Variants in UBE2L3 observed in about 807,000 individuals in gnomAD.
The protein encoded by UBE2L3 is ubiquitin-conjugating enzyme E2 L3.
UBE2L3 carries 1 observed loss-of-function variant against 17.8 expected under a neutral mutation model. The ratio of observed to expected loss-of-function variants is 0.06; its 90% CI spans 0.02 to 0.27. The LOEUF is 0.27. Among genes scored for constraint, UBE2L3 ranks in the 10% least tolerant of loss-of-function variants. The pLI is 1.00. For synonymous variants in UBE2L3, 44 were observed against 68.5 expected, an observed-to-expected ratio of 0.64 and a Z score of 1.76; for missense variants, 40 against 192.6, an observed-to-expected ratio of 0.21 and a Z score of 4.69.
Position 21,621,807 on chromosome 22 carries a change from C to T in UBE2L3, c.*138C>T, listed in dbSNP as rs578139106. ...GCTTGTGGCAGTTACTAACTTTCTA[C>T]AGTTTTCTTAATCAAAAGTGGTCTA... On this transcript the variant is annotated 3_prime_UTR_variant, in exon 4 of 4. Coordinates refer to ENST00000342192, the MANE Select transcript of UBE2L3 (RefSeq NM_003347.4). The T allele has an allele frequency of 1.1e-5, 7 of 641,774 alleles. No individual in the cohort carries two copies. Among genetic ancestry groups the T allele is most frequent in the Admixed American group, 3.3e-5 (1 of 30,360 alleles). 39.8% of individuals were successfully genotyped at this position (641,774 alleles called of 1,614,324 possible).
intron 3 of UBE2L3, 145 bp from the exon 4 acceptor site, chr22:21,621,370 A>G: frequency 1.3e-5 from 13 of 1,035,416 alleles, no homozygotes. Context: ...AGAATTTTGG[A>G]TAAATAGGAG....
upstream of UBE2L3, among the ~76,000 whole-genome samples, chr22:21,564,504 C>G (rs537645663): frequency 6.6e-6 from 1 of 152,180 alleles, no homozygotes; most frequent in Non-Finnish European, 1.5e-5. Flanking sequence ...TCCACTGGGA[C>G]TGGGTACATT....
intron 1 of UBE2L3, among the ~76,000 whole-genome samples, chr22:21,559,491 A>G (rs1926355983): frequency 6.6e-6 from 1 of 152,208 alleles, no homozygotes; most frequent in Non-Finnish European, 1.5e-5. Flanking sequence ...ATGTAGTAAC[A>G]TTGGCGCTTG....
chr22:21,557,546 A>G (rs112439924), intron 1 of UBE2L3, among the ~76,000 whole-genome samples: 140 of 151,900 alleles, frequency 9.2e-4, no homozygotes, highest in African/African-American at 2.8e-3. Context: ...TTTTTGAGAC[A>G]GAGTCTCGCT....
chr22:21,558,414 C>T (rs1230516217), intron 1 of UBE2L3, among the ~76,000 whole-genome samples: 21 of 152,346 alleles, frequency 1.4e-4, no homozygotes, highest in Admixed American at 2.6e-4. Flanking sequence ...AGGCGGATCA[C>T]GAGGTCAGGA....
upstream of UBE2L3, among the ~76,000 whole-genome samples, chr22:21,565,239 C>T (rs572749738): frequency 3.0e-4 from 45 of 151,950 alleles, no homozygotes; most frequent in Non-Finnish European, 5.0e-4. Context: ...AATACAGGCG[C>T]CCGCCACCAC....
chr22:21,572,480 G>T (rs1927033895), intron 1 of UBE2L3, among the ~76,000 whole-genome samples: 1 of 151,328 alleles, frequency 6.6e-6, no homozygotes, highest in African/African-American at 2.4e-5. Flanking sequence ...CAGGGTACTG[G>T]GGCCTTTTCT....
intron 1 of UBE2L3, chr22:21,568,343 A>G (rs946157398): frequency 1.0e-6 from 1 of 985,428 alleles, no homozygotes; most frequent in Non-Finnish European, 1.2e-6. Flanking sequence ...GGTCCTAGCA[A>G]ACTGTCGCCT....
chr22:21,568,234 C>G, intron 1 of UBE2L3: 2 of 988,370 alleles, frequency 2.0e-6, no homozygotes, highest in Non-Finnish European at 2.4e-6. Flanking sequence ...GGCCCGGCCG[C>G]AGCTCGGGAG....
chr22:21,608,098 C>A (rs776015135), intron 2 of UBE2L3, among the ~76,000 whole-genome samples: 4 of 152,088 alleles, frequency 2.6e-5, no homozygotes, highest in Non-Finnish European at 5.9e-5. Flanking sequence ...TAAATAACAC[C>A]GTGCATCTCT....
chr22:21,577,144 AT>A, intron 1 of UBE2L3, among the ~76,000 whole-genome samples: 1 of 151,298 alleles, frequency 6.6e-6, no homozygotes, highest in East Asian at 2.0e-4. Flanking sequence ...AATCTTTTGT[AT>A]TTTTAGTAGA....
At chr22:21,607,085 C>G (rs1239382143) in intron 2 of UBE2L3, among the ~76,000 whole-genome samples, 1 of 152,166 alleles carries the variant, frequency 6.6e-6, no homozygotes, top group Admixed American at 6.5e-5. Context: ...CAGGGCAGGG[C>G]TTGGATGTAG....
chr22:21,565,057 G>A (rs1926579166), upstream of UBE2L3, among the ~76,000 whole-genome samples: 2 of 151,936 alleles, frequency 1.3e-5, no homozygotes, highest in Admixed American at 1.3e-4. Flanking sequence ...CTCCCAAGAT[G>A]AGTGTGAGGC....
intron 2 of UBE2L3, among the ~76,000 whole-genome samples, chr22:21,603,479 G>A (rs942430221): frequency 9.7e-5 from 14 of 143,732 alleles, no homozygotes; most frequent in Non-Finnish European, 1.9e-4. Context: ...GCAGTGAACC[G>A]AGATCGTGCC....
intron 1 of UBE2L3, among the ~76,000 whole-genome samples, chr22:21,571,898 T>C (rs1926989371): frequency 6.6e-6 from 1 of 152,116 alleles, no homozygotes; most frequent in South Asian, 2.1e-4. Flanking sequence ...GTATGTCACA[T>C]GTTTCAGGAG....
chr22:21,623,990 G>A lies in UBE2L3; in HGVS notation c.*2321G>A, dbSNP rs1236961479. On this transcript the variant is annotated 3_prime_UTR_variant, in exon 4 of 4. Transcript: ENST00000342192. ...CAGAGAATAGGCTTTCTAAGATGCTGCGATCCCGTTCTGCTGCCCGTAATA... is the reference window on the plus strand; with the variant it reads ...CAGAGAATAGGCTTTCTAAGATGCTACGATCCCGTTCTGCTGCCCGTAATA... 1 of 152,370 alleles carries A rather than the reference G, an allele frequency of 6.6e-6. No individual in the cohort carries two copies. The highest frequency in any genetic ancestry group is 1.5e-5 in the Non-Finnish European group (1 of 68,156). 9.4% of individuals were successfully genotyped at this position (152,370 alleles called of 1,614,324 possible).
At chr22:21,577,458 G>A (rs1236957204) in intron 1 of UBE2L3, among the ~76,000 whole-genome samples, 1 of 152,196 alleles carries the variant, frequency 6.6e-6, no homozygotes, top group African/African-American at 2.4e-5. Context: ...GCTTCTGGTG[G>A]CTGTGTAGTT....
At chr22:21,576,111 A>C (rs1927275604) in intron 1 of UBE2L3, among the ~76,000 whole-genome samples, 1 of 134,104 alleles carries the variant, frequency 7.5e-6, no homozygotes. Flanking sequence ...TTTGAAAGCA[A>C]CTTTTTTTTT....
At chr22:21,620,220 A>G (rs756802611) in intron 3 of UBE2L3, among the ~76,000 whole-genome samples, 5 of 152,040 alleles carry the variant, frequency 3.3e-5, no homozygotes, top group Admixed American at 6.6e-5. Context: ...CCAGGAGATA[A>G]GACTGCAGTG....
Sources: allele counts gnomAD v4.1 joint callset (sites outside exome capture counted in the v4.1 genomes callset), GRCh38; gene constraint gnomAD v4.1.1; transcripts MANE v1.5; gene names NCBI Gene and HGNC (gene_info 2026-07-23, HGNC 2026-07-21).